NR2C2AP: variants seen among roughly 807,000 people sequenced by gnomAD.
NR2C2AP encodes the protein nuclear receptor 2C2 associated protein, also known as nuclear receptor 2C2-associated protein.
NR2C2AP carries 13 observed loss-of-function variants against 19.1 expected under a neutral mutation model. The observed-to-expected ratio is 0.68, with a 90% CI of 0.44 to 1.08. The LOEUF (loss-of-function observed/expected upper bound fraction) is 1.08. Among genes scored for constraint, NR2C2AP ranks in the 50% least tolerant of loss-of-function variants. The pLI is 0.00. For missense variants in NR2C2AP, 181 were observed against 172.7 expected, an observed-to-expected ratio of 1.05 and a Z score of -0.27; for synonymous variants, 81 against 64.4, an observed-to-expected ratio of 1.26 and a Z score of -1.23.
rs1599798937 is a variant in NR2C2AP, at chr19:19,203,297, G to A, written c.-237C>T. On this transcript the variant is annotated 5_prime_UTR_variant, in exon 1 of 5. Coordinates refer to ENST00000331552, the MANE Select transcript of NR2C2AP (RefSeq NM_176880.6). The stretch of plus-strand genomic sequence containing the variant: ...GGATCAGGGAAACCGCCAATGCCCG[G>A]AGGCCAGGCCTTTCACAGGAAACAG... 6 of 593,878 alleles carry A rather than the reference G, an allele frequency of 1.0e-5. No individual in the cohort carries two copies. The East Asian group carries it at 1.7e-4, about 17-fold the overall frequency. 36.8% of individuals were successfully genotyped at this position (593,878 alleles called of 1,614,324 possible).
chr19:19,202,488 G>T lies in NR2C2AP; in HGVS notation c.217C>A (p.Arg73Ser). The T allele has an allele frequency of 6.2e-7, 1 of 1,614,060 alleles. No homozygotes were observed. Among genetic ancestry groups the T allele is most frequent in the South Asian group, 1.1e-5 (1 of 91,062 alleles). The change falls in exon 3 of 5, where the codon CGC (arginine) becomes AGC (serine). Residue 73 changes from arginine to serine, a missense_variant. Physicochemically the swap from Arg to Ser is moderately radical, Grantham distance 110. Transcript: ENST00000331552. ...QIQFQGGFSS[R>S]RGCLEGSQGT... ...CTAGTACCTTCCAGGCAGCCCCGGCGACTGGAGAAGCCACCCTGAAACTGG... is the reference window on the plus strand; with the variant it reads ...CTAGTACCTTCCAGGCAGCCCCGGCTACTGGAGAAGCCACCCTGAAACTGG...
rs151222278 is a variant in NR2C2AP, at chr19:19,202,582, G to T, written c.130-7C>A. 1 of 1,610,198 alleles carries T rather than the reference G, an allele frequency of 6.2e-7. No homozygotes were observed. Among genetic ancestry groups the T allele is most frequent in the Non-Finnish European group, 8.5e-7 (1 of 1,177,978 alleles). ...TCACCCACTGGGAGGGGCCCTGGAAGCAGACAGGGAAACTGAGGCGCAAGC... is the reference window on the plus strand; with the variant it reads ...TCACCCACTGGGAGGGGCCCTGGAATCAGACAGGGAAACTGAGGCGCAAGC... On this transcript the variant is annotated splice_region_variant and splice_polypyrimidine_tract_variant and intron_variant, in intron 2 of 4. Transcript: ENST00000331552.
chr19:19,202,274 T>G (rs1175158658), intron 4 of NR2C2AP, 57 bp downstream of exon 4: 1 of 1,550,410 alleles, frequency 6.4e-7, no homozygotes, highest in East Asian at 2.2e-5. Flanking sequence ...CGGGTTTGGG[T>G]GAGTCCAAAG....
rs922749994 is a variant in NR2C2AP, at chr19:19,203,285, C to G, written c.-225G>C. On this transcript the variant is annotated 5_prime_UTR_variant, in exon 1 of 5. Coordinates refer to ENST00000331552, the MANE Select transcript of NR2C2AP (RefSeq NM_176880.6). ...ATTTGGGAGAGAGGATCAGGGAAAC[C>G]GCCAATGCCCGGAGGCCAGGCCTTT... 19 of 599,094 alleles carry G rather than the reference C, an allele frequency of 3.2e-5. No homozygotes were observed. The highest frequency in any genetic ancestry group is 5.5e-5 in the African/African-American group (3 of 54,090). The allele number at this position is 599,094 out of a possible 1,614,324, so 37.1% of individuals were successfully genotyped here. A position where few individuals can be genotyped will look rare whatever the true frequency, so the allele number is the denominator to read the frequency against.
Position 19,201,608 on chromosome 19 carries a change from G to A in NR2C2AP, c.*317C>T, listed in dbSNP as rs760983833. On this transcript the variant is annotated 3_prime_UTR_variant, in exon 5 of 5. Coordinates refer to ENST00000331552, the MANE Select transcript of NR2C2AP (RefSeq NM_176880.6). ...TGGCCTGTGCCTCCACCCCACTCCC[G>A]ATTCAAGCTCACAGCCCACCTTTTC... The A allele has an allele frequency of 2.6e-5, 42 of 1,613,300 alleles. No individual in the cohort carries two copies. Among genetic ancestry groups the A allele is most frequent in the Non-Finnish European group, 2.9e-5 (34 of 1,179,982 alleles).
rs371680706 is a variant in NR2C2AP, at chr19:19,202,347, T to C, written c.287A>G (p.Asp96Gly). Residue 96 changes from aspartate (D) to glycine (G), a missense_variant, in exon 4 of 5, where the codon GAC becomes GGC. Coordinates refer to ENST00000331552, the MANE Select transcript of NR2C2AP (RefSeq NM_176880.6). ...LHKIVDFYPE[D>G]NNSLQTFPIP... ...GCAGGATATCTGAAGCGAGTTGTTG[T>C]CCTCAGGGTAGAAATCTACAATCTT... The C allele has an allele frequency of 6.2e-7, 1 of 1,614,220 alleles. No individual in the cohort carries two copies. The highest frequency in any genetic ancestry group is 2.2e-5 in the East Asian group (1 of 44,890).
chr19:19,202,827 G>T lies in NR2C2AP; in HGVS notation c.93C>A (p.Phe31Leu). ...NTRQFGKKHL[F>L]DQDEETCWNS... Reference sequence around the variant, plus strand: ...TCCAACATGTCTCCTCATCCTGGTCGAAAAGATGTTTTTTTCCAAACTGCC... The same window carrying T: ...TCCAACATGTCTCCTCATCCTGGTCTAAAAGATGTTTTTTTCCAAACTGCC... The change falls in exon 2 of 5, where the codon TTC becomes TTA. Residue 31 changes from phenylalanine to leucine, a missense_variant. By Grantham distance (22) the Phe-to-Leu change is conservative (BLOSUM62 0). Transcript: ENST00000331552. 1 of 1,613,818 alleles carries T rather than the reference G, an allele frequency of 6.2e-7. No homozygotes were observed. Among genetic ancestry groups the T allele is most frequent in the South Asian group, 1.1e-5 (1 of 91,068 alleles).
chr19:19,202,273 G>C, intron 4 of NR2C2AP, 58 bp downstream of exon 4: 3 of 1,546,596 alleles, frequency 1.9e-6, no homozygotes, highest in Non-Finnish European at 2.7e-6. Flanking sequence ...TCGGGTTTGG[G>C]TGAGTCCAAA....
rs772906003 is a variant in NR2C2AP at position 19,202,343 on chromosome 19, G to T, written c.291C>A (p.Asn97Lys). ...HKIVDFYPED[N>K]NSLQTFPIPA... ...AGGGGCAGGATATCTGAAGCGAGTT[G>T]TTGTCCTCAGGGTAGAAATCTACAA... The change falls in exon 4 of 5, where the codon AAC becomes AAA. Residue 97 changes from asparagine (N) to lysine (K), a missense_variant. Transcript: ENST00000331552. 18 of 1,614,186 alleles carry T rather than the reference G, an allele frequency of 1.1e-5. No individual in the cohort carries two copies. The highest frequency in any genetic ancestry group is 1.6e-4 in the Middle Eastern group (1 of 6,062).
Position 19,202,934 on chromosome 19 carries a change from C to T in NR2C2AP, c.39-53G>A, listed in dbSNP as rs924257571. On this transcript the variant is annotated intron_variant, in intron 1 of 4. Transcript: ENST00000331552. ...GAGGGGCTGAGACCAGCTCTCAGCT[C>T]CGCGGAGGGCCTGACCCCCAGATCT... is the stretch of plus-strand genomic sequence containing the variant. 16 of 1,607,802 alleles carry T rather than the reference C, an allele frequency of 1.0e-5. No homozygotes were observed. In the African/African-American group the frequency reaches 2.0e-4, roughly 20 times the overall value.
intron 4 of NR2C2AP, 76 bp from the exon 5 acceptor site, chr19:19,202,117 C>G: frequency 1.3e-6 from 2 of 1,519,202 alleles, no homozygotes; most frequent in Non-Finnish European, 1.8e-6. Context: ...CCAGACCCAG[C>G]TCACACTCCA....
At position 19,201,434 on chromosome 19, in the gene NR2C2AP, TATTA is replaced by T. The variant is rs745898877; in HGVS notation, c.*487_*490del. 4.5e-5 allele frequency: 67 copies of T among 1,495,960 alleles called. No individual in the cohort carries two copies. The highest frequency in any genetic ancestry group is 3.5e-4 in the African/African-American group (25 of 72,222). The allele number at this position is 1,495,960 out of a possible 1,614,324, so 92.7% of individuals were successfully genotyped here. On this transcript the variant is annotated 3_prime_UTR_variant, in exon 5 of 5. Transcript: ENST00000331552. The stretch of plus-strand genomic sequence containing the variant: ...TTTTGCTTGGTAGGAAATATTTTTA[TATTA>T]ATTCTGAAAAGCTACAAAAGTGCAT...
intron 4 of NR2C2AP, 115 bp from the exon 5 acceptor site, chr19:19,202,156 G>T: frequency 1.6e-6 from 2 of 1,267,694 alleles, no homozygotes; most frequent in Non-Finnish European, 2.3e-6. Context: ...GGAAGCTGCA[G>T]GTCCCTCTAA....
At position 19,202,790 on chromosome 19, in the gene NR2C2AP, C is replaced by T; in HGVS notation, c.129+1G>A. The T allele has an allele frequency of 3.1e-6, 5 of 1,613,432 alleles. No homozygotes were observed. The highest frequency in any genetic ancestry group is 4.2e-6 in the Non-Finnish European group (5 of 1,179,592). On this transcript the variant is annotated splice_donor_variant, in intron 2 of 4. Coordinates refer to ENST00000331552, the MANE Select transcript of NR2C2AP (RefSeq NM_176880.6). LOFTEE classifies it high-confidence loss of function. ...ATGGAGGGTCGAGGGAGGCGCCTCA[C>T]CTGGTCTGAGTTCCAACATGTCTCC...
rs760173113 is a variant in NR2C2AP at position 19,202,346 on chromosome 19, G to A, written c.288C>T (p.Asp96=). 1.9e-6 allele frequency: 3 copies of A among 1,614,186 alleles called. No homozygotes were observed. In the Admixed American group the frequency reaches 5.0e-5, roughly 27 times the overall value. Residue 96 remains aspartate, a synonymous_variant, in exon 4 of 5, where the codon GAC becomes GAT. Coordinates refer to ENST00000331552, the MANE Select transcript of NR2C2AP (RefSeq NM_176880.6). The stretch of plus-strand genomic sequence containing the variant: ...GGCAGGATATCTGAAGCGAGTTGTT[G>A]TCCTCAGGGTAGAAATCTACAATCT... The part of the protein sequence containing the change: ...LHKIVDFYPE[D]NNSLQTFPIP...
intron 4 of NR2C2AP, 106 bp downstream of exon 4, chr19:19,202,225 G>T: frequency 8.0e-7 from 1 of 1,246,738 alleles, no homozygotes; most frequent in Non-Finnish European, 1.2e-6. Flanking sequence ...TGGAGTCCTA[G>T]AGGTCACGTG....
chr19:19,202,233 G>T, intron 4 of NR2C2AP, 98 bp downstream of exon 4: 2 of 1,280,750 alleles, frequency 1.6e-6, no homozygotes, highest in Non-Finnish European at 2.3e-6. Context: ...TAGAGGTCAC[G>T]TGTTCAAGAT....
chr19:19,201,729 G>T lies in NR2C2AP; in HGVS notation c.*196C>A. On this transcript the variant is annotated 3_prime_UTR_variant, in exon 5 of 5. Transcript: ENST00000331552. ...CGCTGACCCTGAGTGAAGGCCGCCT[G>T]CCGGGGACTCAGACACTCAGGGAAC... 2 of 1,613,874 alleles carry T rather than the reference G, an allele frequency of 1.2e-6. No homozygotes were observed. Among genetic ancestry groups the T allele is most frequent in the Non-Finnish European group, 1.7e-6 (2 of 1,179,972 alleles).
chr19:19,201,488 G>A lies in NR2C2AP; in HGVS notation c.*437C>T, dbSNP rs757687022. The A allele has an allele frequency of 1.9e-6, 3 of 1,590,490 alleles. No individual in the cohort carries two copies. The highest frequency in any genetic ancestry group is 8.5e-7 in the Non-Finnish European group (1 of 1,175,794). ...TTTTTACAAACTTAGGGGAAGTTGA[G>A]GTTCCTGGGGTGAGTCCTCGGTTCT... On this transcript the variant is annotated 3_prime_UTR_variant, in exon 5 of 5. Coordinates refer to ENST00000331552, the MANE Select transcript of NR2C2AP (RefSeq NM_176880.6).
Sources: gnomAD v4.1 joint callset for allele counts on GRCh38, gnomAD v4.1.1 for gene constraint, MANE v1.5 for transcripts, NCBI Gene and HGNC (gene_info 2026-07-23, HGNC 2026-07-21) for gene names.